Variants in TMCO6 observed in about 807,000 individuals in gnomAD.
TMCO6 encodes the protein transmembrane and coiled-coil domain-containing protein 6.
Under a neutral mutation model 61.8 loss-of-function variants are expected in TMCO6, and 47 were observed. The observed-to-expected ratio is 0.76, with a 90% CI of 0.60 to 0.97. The LOEUF (loss-of-function observed/expected upper bound fraction) is 0.97. Among genes scored for constraint, TMCO6 ranks in the 50% least tolerant of loss-of-function variants. The pLI is 0.00. For missense variants in TMCO6, 557 were observed against 601.6 expected, an observed-to-expected ratio of 0.93 and a Z score of 0.78; for synonymous variants, 261 against 254.2, an observed-to-expected ratio of 1.03 and a Z score of -0.25.
chr5:140,647,345 C>A, downstream of TMCO6: 1 of 1,608,694 alleles, frequency 6.2e-7, no homozygotes, highest in Non-Finnish European at 8.5e-7. Context: ...CTCCACGTAG[C>A]GTTTCTCAAT....
Position 140,641,976 on chromosome 5 carries a change from T to C in TMCO6, c.421T>C (p.Ser141Pro). Reference protein sequence around the residue: ...CLHELSHSEQSTVAEACLPAT... With the variant: ...CLHELSHSEQPTVAEACLPAT... Reference sequence around the variant, plus strand: ...GCATGAGCTCTCTCACTCCGAGCAGTCCACTGTTGCTGAGGCCTGCCTGCC... The same window carrying C: ...GCATGAGCTCTCTCACTCCGAGCAGCCCACTGTTGCTGAGGCCTGCCTGCC... Residue 141 changes from serine (S) to proline (P), a missense_variant, in exon 4 of 12, where the codon TCC becomes CCC. By Grantham distance (74) the Ser-to-Pro change is moderately conservative. Coordinates refer to ENST00000394671, the MANE Select transcript of TMCO6 (RefSeq NM_018502.5). The C allele has an allele frequency of 6.2e-7, 1 of 1,613,894 alleles. No homozygotes were observed. Among genetic ancestry groups the C allele is most frequent in the Non-Finnish European group, 8.5e-7 (1 of 1,179,776 alleles).
intron 7 of TMCO6, 37 bp downstream of exon 7, chr5:140,643,078 C>T: frequency 1.2e-6 from 2 of 1,613,514 alleles, no homozygotes; most frequent in Non-Finnish European, 1.7e-6. Flanking sequence ...CAGATCTTCC[C>T]TGGGGCTCCC....
the TMCO6 span, among the ~76,000 whole-genome samples, chr5:140,611,568 C>T: frequency 5.3e-5 from 8 of 152,172 alleles, no homozygotes; most frequent in Non-Finnish European, 1.2e-4. Flanking sequence ...CTTAAAGTGG[C>T]AGTGTTTGTC....
chr5:140,646,214 T>G (rs960174279), downstream of TMCO6, among the ~76,000 whole-genome samples: 2 of 152,120 alleles, frequency 1.3e-5, no homozygotes, highest in African/African-American at 4.8e-5. Context: ...TTTTACCATG[T>G]TGGCCAGGCT....
downstream of TMCO6, chr5:140,645,560 T>G (rs370747642): frequency 3.1e-6 from 5 of 1,613,728 alleles, no homozygotes; most frequent in African/African-American, 5.3e-5. Flanking sequence ...GCTCTGGGGC[T>G]GTTGCTCTTA....
At chr5:140,601,025 A>G in the TMCO6 span, among the ~76,000 whole-genome samples, 3 of 151,992 alleles carry the variant, frequency 2.0e-5, no homozygotes, top group African/African-American at 7.3e-5. Context: ...TGCCCCATTA[A>G]GACATAATAT....
chr5:140,645,802 C>T, downstream of TMCO6: 1 of 1,478,274 alleles, frequency 6.8e-7, no homozygotes, highest in Non-Finnish European at 9.2e-7. Flanking sequence ...GAGATATGAT[C>T]AAAATACATT....
At chr5:140,619,615 G>GA in the TMCO6 span, among the ~76,000 whole-genome samples, 436 of 145,978 alleles carry the variant, frequency 3.0e-3, no homozygotes, top group Non-Finnish European at 4.5e-3. Context: ...GCACAACAAA[G>GA]AAAAAAAAAA....
At chr5:140,647,074 G>C (rs996100765), downstream of TMCO6, 1 of 697,718 alleles carries the variant, frequency 1.4e-6, no homozygotes, top group Non-Finnish European at 2.3e-6. Flanking sequence ...ATGTTGCCCG[G>C]AATACAACGC....
the TMCO6 span, among the ~76,000 whole-genome samples, chr5:140,613,373 G>A: frequency 8.1e-6 from 1 of 124,182 alleles, no homozygotes; most frequent in Non-Finnish European, 1.6e-5. Flanking sequence ...TGGCAACAGA[G>A]TGAGACTCTG....
the TMCO6 span, among the ~76,000 whole-genome samples, chr5:140,603,801 A>G: frequency 6.6e-6 from 1 of 152,166 alleles, no homozygotes; most frequent in Non-Finnish European, 1.5e-5. Context: ...TGCTATAAAC[A>G]TTTGTGTGCA....
upstream of TMCO6, among the ~76,000 whole-genome samples, chr5:140,637,397 A>T (rs901438581): frequency 7.9e-5 from 12 of 152,358 alleles, no homozygotes; most frequent in African/African-American, 1.4e-4. Flanking sequence ...ATTCAGTTTT[A>T]TGCAGAGAAG....
the TMCO6 span, chr5:140,633,031 C>T: frequency 6.2e-7 from 1 of 1,613,410 alleles, no homozygotes; most frequent in South Asian, 1.1e-5. Flanking sequence ...CTGTGGCTCC[C>T]GAGTGGCACG....
At chr5:140,636,939 T>C (rs1756783952), upstream of TMCO6, among the ~76,000 whole-genome samples, 1 of 151,206 alleles carries the variant, frequency 6.6e-6, no homozygotes, top group African/African-American at 2.4e-5. Flanking sequence ...GCCAAGGGGG[T>C]CTGGGAGGAG....
chr5:140,639,975 A>G, intron 2 of TMCO6, 124 bp downstream of exon 2: 1 of 769,380 alleles, frequency 1.3e-6, no homozygotes, highest in Non-Finnish European at 2.2e-6. Flanking sequence ...CCAGTGGGTC[A>G]AGCCAGAAAC....
At chr5:140,604,822 G>C in the TMCO6 span, among the ~76,000 whole-genome samples, 1 of 142,780 alleles carries the variant, frequency 7.0e-6, no homozygotes, top group African/African-American at 2.7e-5. Context: ...AGTTTTCTCA[G>C]CATTATTTTT....
intron 10 of TMCO6, 36 bp from the exon 11 acceptor site, chr5:140,644,537 T>A: frequency 6.2e-7 from 1 of 1,602,898 alleles, no homozygotes; most frequent in Non-Finnish European, 8.5e-7. Context: ...TCTTTGTGTT[T>A]CATTCTTTGT....
Position 140,642,643 on chromosome 5 carries a change from G to C in TMCO6, c.661G>C (p.Ala221Pro). 1.2e-6 allele frequency: 2 copies of C among 1,614,210 alleles called. No individual in the cohort carries two copies. The highest frequency in any genetic ancestry group is 2.7e-5 in the African/African-American group (2 of 75,054). Residue 221 changes from alanine (A) to proline (P), a missense_variant, in exon 6 of 12, where the codon GCT (alanine) becomes CCT (proline). By Grantham distance (27) the Ala-to-Pro change is conservative. Transcript: ENST00000394671. ...LGYALSQLLQ[A>P]EEAPEKIIPS... is the part of the protein sequence containing the mutation. ...ATATGCCTTGTCCCAGCTTCTACAG[G>C]CTGAGGAAGCTCCAGAGAAGATCAT...
Position 140,643,838 on chromosome 5 carries a change from C to T in TMCO6, c.977C>T (p.Thr326Ile). The change falls in exon 9 of 12, where the codon ACT (threonine) becomes ATT (isoleucine). Residue 326 changes from threonine (T) to isoleucine (I), a missense_variant. Transcript: ENST00000394671. ...CTGCTAACTGAGGCAGCAGTGGAGA[C>T]TGTGGGAGGGCAAATGCAGCTCAGA... ...SNLLTEAAVE[T>I]VGGQMQLRDE... 6.2e-7 allele frequency: 1 copy of T among 1,614,256 alleles called. No individual in the cohort carries two copies. Among genetic ancestry groups the T allele is most frequent in the Non-Finnish European group, 8.5e-7 (1 of 1,180,050 alleles).
Sources: allele counts gnomAD v4.1 joint callset (sites outside exome capture counted in the v4.1 genomes callset), GRCh38; gene constraint gnomAD v4.1.1; transcripts MANE v1.5; gene names NCBI Gene and HGNC (gene_info 2026-07-23, HGNC 2026-07-21).